Variants in SDK1 observed in about 807,000 individuals in gnomAD.
SDK1 encodes protein sidekick-1.
Under a neutral mutation model 245.5 loss-of-function variants are expected in SDK1, and 157 were observed. That is an observed-to-expected ratio of 0.64 (90% CI 0.56 to 0.73). The LOEUF (loss-of-function observed/expected upper bound fraction) is 0.73. Among genes scored for constraint, SDK1 ranks in the 30% least tolerant of loss-of-function variants. SDK1 has a pLI of 0.00. For synonymous variants in SDK1, 1,647 were observed against 1,278.5 expected (o/e 1.29, Z -6.15); for missense variants, 3,583 against 3,002.3 (o/e 1.19, Z -4.52).
intron 7 of SDK1, among the ~76,000 whole-genome samples, chr7:3,953,358 G>C (rs146297222): frequency 6.6e-6 from 1 of 152,204 alleles, no homozygotes; most frequent in Non-Finnish European, 1.5e-5. Context: ...GCGAAAGTCT[G>C]TTAAAAGCAT....
intron 1 of SDK1, among the ~76,000 whole-genome samples, chr7:3,605,137 AAAC>A (rs1448069827): frequency 1.2e-5 from 1 of 84,332 alleles, no homozygotes; most frequent in African/African-American, 7.1e-5. Flanking sequence ...AGGAAAAAAA[AAAC>A]AAGAAACACA....
At chr7:3,611,858 A>C (rs968595975) in intron 1 of SDK1, among the ~76,000 whole-genome samples, 1 of 152,152 alleles carries the variant, frequency 6.6e-6, no homozygotes, top group African/African-American at 2.4e-5. Flanking sequence ...TGAAAAGGGA[A>C]CACTTTTACA....
intron 13 of SDK1, among the ~76,000 whole-genome samples, chr7:3,979,629 A>C (rs953241725): frequency 2.0e-5 from 3 of 152,132 alleles, no homozygotes; most frequent in African/African-American, 7.2e-5. Flanking sequence ...AGAGGCTTCT[A>C]AACTCCAGAT....
At chr7:3,935,686 A>G (rs1433463352) in intron 5 of SDK1, among the ~76,000 whole-genome samples, 2 of 152,244 alleles carry the variant, frequency 1.3e-5, no homozygotes, top group East Asian at 3.9e-4. Flanking sequence ...AGACCACCCC[A>G]CTCCCTTTAG....
chr7:3,357,807 G>C (rs1417027827), intron 1 of SDK1, among the ~76,000 whole-genome samples: 2 of 152,068 alleles, frequency 1.3e-5, no homozygotes, highest in African/African-American at 4.8e-5. Context: ...AGTAAACTCT[G>C]AACTTTCTTT....
chr7:4,007,332 G>A (rs1466445979), intron 14 of SDK1, among the ~76,000 whole-genome samples: 1 of 152,116 alleles, frequency 6.6e-6, no homozygotes. Context: ...GATTATGTAG[G>A]GTGGCTGCTT....
intron 19 of SDK1, among the ~76,000 whole-genome samples, chr7:4,066,568 G>A (rs1265993680): frequency 6.6e-6 from 1 of 152,180 alleles, no homozygotes; most frequent in African/African-American, 2.4e-5. Flanking sequence ...GGGAGTAACG[G>A]CATCCGGGAG....
intron 5 of SDK1, among the ~76,000 whole-genome samples, chr7:3,946,960 C>G (rs1405095410): frequency 2.0e-5 from 3 of 152,196 alleles, no homozygotes; most frequent in African/African-American, 7.2e-5. Context: ...ATATTTAACT[C>G]CGTGTCTTAA....
intron 22 of SDK1, 39 bp downstream of exon 22, chr7:4,079,623 G>C (rs1334633158): frequency 5.6e-6 from 9 of 1,612,584 alleles, no homozygotes; most frequent in African/African-American, 1.3e-5. Flanking sequence ...CATTTGCGAA[G>C]AGCAGTGTTG....
chr7:3,918,659 C>T (rs903199673), intron 5 of SDK1, among the ~76,000 whole-genome samples: 18 of 152,178 alleles, frequency 1.2e-4, no homozygotes, highest in East Asian at 7.7e-4. Flanking sequence ...ACCATCCCCC[C>T]GACATTGGTA....
At chr7:3,568,309 C>T (rs953988247) in intron 1 of SDK1, among the ~76,000 whole-genome samples, 1 of 152,140 alleles carries the variant, frequency 6.6e-6, no homozygotes, top group Admixed American at 6.5e-5. Flanking sequence ...ACTCTAATGT[C>T]CCAGCCTCCC....
chr7:3,953,902 CT>C lies in SDK1; in HGVS notation c.1150+1983del, dbSNP rs1781029687. On this transcript the variant is annotated intron_variant, in intron 7 of 44. Transcript: ENST00000404826. The stretch of plus-strand genomic sequence containing the variant: ...GTGGTTGGCGCACACTGCAAAAACC[CT>C]GAAGAGAGTGTCTGTGTCAATTCCG... 2.0e-5 allele frequency among the ~76,000 whole-genome samples: 3 copies of C among 152,144 alleles called. No individual in the cohort carries two copies. The South Asian group carries it at 6.2e-4, about 32-fold the overall frequency.
At chr7:3,661,730 A>T (rs1369783966) in intron 4 of SDK1, among the ~76,000 whole-genome samples, 2 of 152,184 alleles carry the variant, frequency 1.3e-5, no homozygotes, top group African/African-American at 2.4e-5. Context: ...AATGGTGGCT[A>T]AGAATGTAAA....
intron 12 of SDK1, among the ~76,000 whole-genome samples, chr7:3,973,921 C>A (rs1008477521): frequency 2.6e-5 from 4 of 151,922 alleles, no homozygotes; most frequent in African/African-American, 9.7e-5. Context: ...GTGACTCAGG[C>A]CTGTAATCCC....
intron 4 of SDK1, among the ~76,000 whole-genome samples, chr7:3,682,284 A>G (rs989485471): frequency 6.6e-5 from 10 of 152,214 alleles, no homozygotes; most frequent in South Asian, 2.1e-4. Context: ...CAGAGCTGAC[A>G]CACAAATCTT....
Position 3,959,158 on chromosome 7 carries a change from G to A in SDK1, c.1234+144G>A, listed in dbSNP as rs189849362. ...ACTTCAGAGAGTAGATCGGTCTTGG[G>A]GCAGTGACTGTGGGTAAGGCATTTG... is the stretch of plus-strand genomic sequence containing the variant. On this transcript the variant is annotated intron_variant, in intron 8 of 44. Coordinates refer to ENST00000404826, the MANE Select transcript of SDK1 (RefSeq NM_152744.4). The A allele has an allele frequency of 3.5e-5, 24 of 686,158 alleles. 2 individuals carry two copies. The highest frequency in any genetic ancestry group is 2.8e-4 in the Admixed American group (11 of 39,800). The allele number at this position is 686,158 out of a possible 1,614,324, so 42.5% of individuals were successfully genotyped here.
chr7:3,679,367 C>T lies in SDK1; in HGVS notation c.713+37262C>T, dbSNP rs552161091. ...GGATCACGAGGTCGGGAGATCGAGA[C>T]CATCCTGGCTAACATGGTGAAACCC... On this transcript the variant is annotated intron_variant, in intron 4 of 44. Coordinates refer to ENST00000404826, the MANE Select transcript of SDK1 (RefSeq NM_152744.4). 5.0e-3 allele frequency among the ~76,000 whole-genome samples: 760 copies of T among 152,092 alleles called. 5 individuals are homozygous for T. Among genetic ancestry groups the T allele is most frequent in the African/African-American group, 0.018 (730 of 41,462 alleles).
At chr7:4,095,504 G>A (rs1222234662) in intron 22 of SDK1, among the ~76,000 whole-genome samples, 1 of 152,142 alleles carries the variant, frequency 6.6e-6, no homozygotes, top group Admixed American at 6.5e-5. Flanking sequence ...CTTGGCTATT[G>A]TTTTCAGCTA....
In SDK1 at chr7:4,063,604, A is replaced by C. The variant is rs565408667; in HGVS notation, c.2912-4234A>C. Among the ~76,000 whole-genome samples the C allele has an allele frequency of 4.0e-5, 6 of 151,808 alleles. No homozygotes were observed. In the East Asian group the frequency reaches 1.2e-3, roughly 29 times the overall value. ...TCATTTTCACAGAAATAGCAAAAAA[A>C]AAAAACAAAAAACCCCGTAAATTCT... On this transcript the variant is annotated intron_variant, in intron 19 of 44. Transcript: ENST00000404826.
Sources: gnomAD v4.1 joint callset for allele counts (sites outside exome capture counted in the v4.1 genomes callset) on GRCh38, gnomAD v4.1.1 for gene constraint, MANE v1.5 for transcripts, NCBI Gene and HGNC (gene_info 2026-07-23, HGNC 2026-07-21) for gene names.